Variants in DLGAP1 observed in about 807,000 individuals in gnomAD.
The protein encoded by DLGAP1 is disks large-associated protein 1.
A neutral mutation model predicts 90.8 loss-of-function variants in DLGAP1; 11 were observed. The ratio of observed to expected loss-of-function variants is 0.12; its 90% CI spans 0.08 to 0.20. The LOEUF is 0.20. Among genes scored for constraint, DLGAP1 ranks in the 10% least tolerant of loss-of-function variants. The pLI is 1.00. For synonymous variants in DLGAP1, 558 were observed against 540.7 expected, an observed-to-expected ratio of 1.03 and a Z score of -0.44; for missense variants, 1,050 against 1,333.8, an observed-to-expected ratio of 0.79 and a Z score of 3.31.
intron 1 of DLGAP1, among the ~76,000 whole-genome samples, chr18:4,251,793 G>A (rs1429179837): frequency 1.3e-5 from 2 of 152,214 alleles, no homozygotes; most frequent in Non-Finnish European, 2.9e-5. Context: ...CCTGCAGGAG[G>A]AAGAATATTG....
At chr18:4,385,688 C>A (rs748100233) in intron 1 of DLGAP1, among the ~76,000 whole-genome samples, 1 of 152,110 alleles carries the variant, frequency 6.6e-6, no homozygotes, top group African/African-American at 2.4e-5. Flanking sequence ...AGGGCTGTCA[C>A]CATCCAGAGA....
At chr18:3,980,130 C>G (rs1049042177) in intron 3 of DLGAP1, among the ~76,000 whole-genome samples, 8 of 151,798 alleles carry the variant, frequency 5.3e-5, no homozygotes, top group Admixed American at 4.6e-4. Context: ...AGCGAGACTT[C>G]ATCTCAAAAA....
In DLGAP1 at chr18:3,616,595, A is replaced by C. The variant is rs192891836; in HGVS notation, c.1592-34347T>G. Among the ~76,000 whole-genome samples, 546 of 149,024 alleles carry C rather than the reference A, an allele frequency of 3.7e-3. 4 individuals carry two copies. The highest frequency in any genetic ancestry group is 8.9e-3 in the South Asian group (43 of 4,812). On this transcript the variant is annotated intron_variant, in intron 7 of 12. Coordinates refer to ENST00000315677, the MANE Select transcript of DLGAP1 (RefSeq NM_004746.4). ...TGAAACCCCATCTCCACAAAACAAA[A>C]AAAAAAAAAATTAGCCTGCTGTGGT...
At chr18:3,612,945 G>A (rs1000062777) in intron 7 of DLGAP1, among the ~76,000 whole-genome samples, 5 of 151,940 alleles carry the variant, frequency 3.3e-5, no homozygotes, top group African/African-American at 4.8e-5. Context: ...GCGTTCAAGC[G>A]ATTCTCCTGC....
At chr18:3,674,840 C>T (rs1453602410) in intron 7 of DLGAP1, among the ~76,000 whole-genome samples, 1 of 62,264 alleles carries the variant, frequency 1.6e-5, no homozygotes, top group Non-Finnish European at 3.2e-5. Context: ...ACAATCATCA[C>T]CCCCATTCAC....
chr18:3,699,012 C>G (rs1249562236), intron 7 of DLGAP1, among the ~76,000 whole-genome samples: 1 of 152,056 alleles, frequency 6.6e-6, no homozygotes, highest in Admixed American at 6.6e-5. Context: ...ATGTTCTTCT[C>G]TAATCTGGTT....
At chr18:3,988,398 C>T (rs2073885798) in intron 3 of DLGAP1, among the ~76,000 whole-genome samples, 1 of 152,130 alleles carries the variant, frequency 6.6e-6, no homozygotes, top group South Asian at 2.1e-4. Context: ...AAGCGATTGA[C>T]TTATTATGGT....
chr18:4,209,283 C>G (rs933645866), intron 1 of DLGAP1, among the ~76,000 whole-genome samples: 4 of 151,960 alleles, frequency 2.6e-5, no homozygotes, highest in Non-Finnish European at 5.9e-5. Context: ...TGGAGCCATG[C>G]AAAGAGGCCA....
chr18:3,949,678 A>T (rs1165765338), intron 3 of DLGAP1, among the ~76,000 whole-genome samples: 1 of 152,228 alleles, frequency 6.6e-6, no homozygotes, highest in Admixed American at 6.5e-5. Flanking sequence ...GGTTGTATAT[A>T]GTTGACCCAA....
chr18:4,271,182 C>T (rs2079271814), intron 1 of DLGAP1, among the ~76,000 whole-genome samples: 1 of 152,142 alleles, frequency 6.6e-6, no homozygotes, highest in Non-Finnish European at 1.5e-5. Flanking sequence ...AGAACTCAAG[C>T]TCAGATCCAA....
intron 1 of DLGAP1, among the ~76,000 whole-genome samples, chr18:4,417,279 A>T (rs2082921306): frequency 6.6e-6 from 1 of 152,170 alleles, no homozygotes; most frequent in Non-Finnish European, 1.5e-5. Flanking sequence ...AATATTTATC[A>T]CTAAATATAT....
At chr18:4,024,053 T>C (rs1417537350) in intron 2 of DLGAP1, among the ~76,000 whole-genome samples, 1 of 152,236 alleles carries the variant, frequency 6.6e-6, no homozygotes, top group Non-Finnish European at 1.5e-5. Context: ...AAATTTCCTA[T>C]TATTTCAAAA....
rs1047655807 is a variant in DLGAP1, at chr18:3,792,728, G to A, written c.1172+21331C>T. Among the ~76,000 whole-genome samples the A allele has an allele frequency of 7.9e-5, 12 of 152,276 alleles. No homozygotes were observed. The East Asian group carries it at 2.3e-3, about 29-fold the overall frequency. On this transcript the variant is annotated intron_variant, in intron 5 of 12. Coordinates refer to ENST00000315677, the MANE Select transcript of DLGAP1 (RefSeq NM_004746.4). ...CAGGCCAGCTTCTTTGGGCACCTGT[G>A]TCAGCCCAGATTGAGCCTGTGTTAG...
intron 7 of DLGAP1, among the ~76,000 whole-genome samples, chr18:3,695,383 G>C (rs1876704969): frequency 1.3e-5 from 2 of 152,182 alleles, no homozygotes; most frequent in African/African-American, 4.8e-5. Context: ...TTTTGTATAA[G>C]GTGTAAGGAA....
intron 5 of DLGAP1, among the ~76,000 whole-genome samples, chr18:3,772,194 CTCT>C (rs1272745191): frequency 5.5e-4 from 74 of 135,472 alleles, no homozygotes; most frequent in Admixed American, 2.4e-3. Context: ...TCCTTCCTTT[CTCT>C]TCTTCTCTCC....
intron 1 of DLGAP1, among the ~76,000 whole-genome samples, chr18:4,405,486 C>G (rs1391594777): frequency 6.6e-6 from 1 of 152,128 alleles, no homozygotes; most frequent in African/African-American, 2.4e-5. Context: ...AAGAACAACA[C>G]AATGAGCATT....
intron 7 of DLGAP1, among the ~76,000 whole-genome samples, chr18:3,671,469 TG>T (rs1296667881): frequency 6.6e-6 from 1 of 152,206 alleles, no homozygotes; most frequent in African/African-American, 2.4e-5. Flanking sequence ...GCTCCATAAA[TG>T]CTTGTTAAAT....
In DLGAP1 at chr18:3,497,820, A is replaced by T. The variant is rs2049745152; in HGVS notation, c.*1365T>A. 6.6e-6 allele frequency: 1 copy of T among 152,182 alleles called. No homozygotes were observed. The highest frequency in any genetic ancestry group is 1.5e-5 in the Non-Finnish European group (1 of 68,044). 9.4% of individuals were successfully genotyped at this position (152,182 alleles called of 1,614,324 possible). ...TCAACACTCTCTGCCAAAAGCCTTG[A>T]CTTCTTTCAGTGTTTATGAATCATG... On this transcript the variant is annotated 3_prime_UTR_variant, in exon 13 of 13. Coordinates refer to ENST00000315677, the MANE Select transcript of DLGAP1 (RefSeq NM_004746.4).
At chr18:4,410,776 A>G (rs900530361) in intron 1 of DLGAP1, among the ~76,000 whole-genome samples, 11 of 152,208 alleles carry the variant, frequency 7.2e-5, no homozygotes, top group Non-Finnish European at 1.3e-4. Context: ...TGACACAATG[A>G]GAACAAACTA....
Sources: gnomAD v4.1 joint callset for allele counts (sites outside exome capture counted in the v4.1 genomes callset) on GRCh38, gnomAD v4.1.1 for gene constraint, MANE v1.5 for transcripts, NCBI Gene and HGNC (gene_info 2026-07-23, HGNC 2026-07-21) for gene names.